Variants in COP1 observed in about 807,000 individuals in gnomAD.
The protein encoded by COP1 is COP1 E3 ubiquitin ligase.
COP1 carries 24 observed loss-of-function variants against 101.3 expected under a neutral mutation model. The ratio of observed to expected loss-of-function variants is 0.24; its 90% CI spans 0.17 to 0.33. The LOEUF is 0.33. Among genes scored for constraint, COP1 ranks in the 10% least tolerant of loss-of-function variants. The pLI, the probability that COP1 is intolerant of heterozygous loss-of-function variation, is 1.00. For missense variants in COP1, 663 were observed against 906.2 expected (o/e 0.73, Z 3.45); for synonymous variants, 347 against 341.9 (o/e 1.01, Z -0.17).
chr1:176,124,802 C>A (rs888747801), intron 8 of COP1, among the ~76,000 whole-genome samples: 1 of 152,068 alleles, frequency 6.6e-6, no homozygotes, highest in African/African-American at 2.4e-5. Flanking sequence ...GGGATTGCTG[C>A]GTAATATGCT....
intron 15 of COP1, among the ~76,000 whole-genome samples, chr1:175,998,917 A>C (rs1660928754): frequency 6.6e-6 from 1 of 152,092 alleles, no homozygotes; most frequent in African/African-American, 2.4e-5. Context: ...ATCAGATTAC[A>C]TGGCACACTC....
At chr1:175,973,969 G>A in intron 18 of COP1, among the ~76,000 whole-genome samples, 1 of 152,198 alleles carries the variant, frequency 6.6e-6, no homozygotes, top group Non-Finnish European at 1.5e-5. Context: ...AGTGTAAAAT[G>A]TGCTTATGCA....
intron 14 of COP1, among the ~76,000 whole-genome samples, chr1:176,041,220 T>G (rs1235262055): frequency 6.6e-6 from 1 of 152,172 alleles, no homozygotes; most frequent in Admixed American, 6.5e-5. Context: ...GGTTATAAGA[T>G]AGCAGCAATT....
chr1:176,030,656 A>G (rs1022977699), intron 14 of COP1, among the ~76,000 whole-genome samples: 1 of 152,226 alleles, frequency 6.6e-6, no homozygotes, highest in South Asian at 2.1e-4. Context: ...AATTCAATAT[A>G]ACTGTCTGAG....
Position 176,206,911 on chromosome 1 carries a change from G to C in COP1, c.68C>G (p.Ser23Trp). Reference sequence around the variant, plus strand: ...TAAAGACGAGGAGGCGGAAGTCACCGAGGAGGCCGCCGAGGACCCGGGGCT... The same window carrying C: ...TAAAGACGAGGAGGCGGAAGTCACCCAGGAGGCCGCCGAGGACCCGGGGCT... ...GTSPGSSAASSVTSASSSLSS... is the reference protein window; with the variant it reads ...GTSPGSSAASWVTSASSSLSS... The change falls in exon 1 of 20, where the codon TCG (serine) becomes TGG (tryptophan). Residue 23 changes from serine (S) to tryptophan (W), a missense_variant. By Grantham distance (177) the Ser-to-Trp change is radical (BLOSUM62 -3). Around this residue, in one of 4 missense-constraint regions of COP1, gnomAD observed 204 missense variants for 203.6 expected, o/e 1.00. Transcript: ENST00000367669. The C allele has an allele frequency of 6.8e-7, 1 of 1,465,582 alleles. No individual in the cohort carries two copies. Among genetic ancestry groups the C allele is most frequent in the Non-Finnish European group, 9.0e-7 (1 of 1,114,254 alleles). The allele number at this position is 1,465,582 out of a possible 1,614,324, so 90.8% of individuals were successfully genotyped here.
At chr1:176,116,452 A>G (rs1217292294) in intron 9 of COP1, among the ~76,000 whole-genome samples, 172 bp downstream of exon 9, 2 of 152,234 alleles carry the variant, frequency 1.3e-5, no homozygotes, top group Non-Finnish European at 2.9e-5. Context: ...AAAAGCAAAT[A>G]TTAATATTTG....
At chr1:175,967,314 G>C (rs4344283) in intron 18 of COP1, among the ~76,000 whole-genome samples, 143,059 of 152,252 alleles carry the variant, frequency 0.94, 67,654 homozygotes, top group East Asian at 1. Flanking sequence ...GCCGTTGAAA[G>C]CTCATCTCTA....
intron 5 of COP1, among the ~76,000 whole-genome samples, chr1:176,162,422 T>G (rs1011527372): frequency 6.6e-6 from 1 of 152,214 alleles, no homozygotes; most frequent in Non-Finnish European, 1.5e-5. Context: ...ACAGATCTCT[T>G]TAAATGCTCT....
At chr1:176,136,446 T>A (rs1230920191) in intron 7 of COP1, 42 bp downstream of exon 7, 2 of 1,379,438 alleles carry the variant, frequency 1.4e-6, no homozygotes, top group Non-Finnish European at 2.0e-6. Flanking sequence ...TTTCATGAAA[T>A]TGAAAAATTG....
chr1:176,050,696 A>C (rs1301007338), intron 11 of COP1, among the ~76,000 whole-genome samples: 2 of 152,228 alleles, frequency 1.3e-5, no homozygotes, highest in African/African-American at 4.8e-5. Flanking sequence ...CTTCCAATCA[A>C]TACTACTTGA....
At chr1:176,133,263 C>T (rs1263255882) in intron 8 of COP1, among the ~76,000 whole-genome samples, 1 of 150,132 alleles carries the variant, frequency 6.7e-6, no homozygotes, top group Non-Finnish European at 1.5e-5. Flanking sequence ...TACGTATATA[C>T]GTACGTATAT....
At chr1:176,116,799 A>G (rs747136010) in intron 8 of COP1, 118 bp from the exon 9 acceptor site, 1 of 711,142 alleles carries the variant, frequency 1.4e-6, no homozygotes, top group Non-Finnish European at 2.4e-6. Context: ...AAGCCAAGAA[A>G]ATATTTATTG....
intron 15 of COP1, among the ~76,000 whole-genome samples, chr1:175,993,237 C>A (rs923406517): frequency 4.6e-5 from 7 of 152,200 alleles, no homozygotes; most frequent in Non-Finnish European, 8.8e-5. Context: ...ACCAAAAACC[C>A]ATCTGTATAT....
At chr1:176,033,476 C>T (rs1265110033) in intron 14 of COP1, among the ~76,000 whole-genome samples, 1 of 151,966 alleles carries the variant, frequency 6.6e-6, no homozygotes, top group Non-Finnish European at 1.5e-5. Flanking sequence ...GAAGAAGAAC[C>T]TGTAACTTCT....
chr1:176,059,215 T>C (rs1674413355), intron 11 of COP1, among the ~76,000 whole-genome samples: 1 of 152,252 alleles, frequency 6.6e-6, no homozygotes, highest in African/African-American at 2.4e-5. Context: ...ATGTAATTCA[T>C]CTATCAAGTG....
rs941393364 is a variant in COP1 at position 176,056,932 on chromosome 1, T to A, written c.1278-10608A>T. Among the ~76,000 whole-genome samples the A allele has an allele frequency of 6.6e-5, 10 of 152,332 alleles. No individual in the cohort carries two copies. The South Asian group carries it at 1.9e-3, about 28-fold the overall frequency. On this transcript the variant is annotated intron_variant, in intron 11 of 19. Transcript: ENST00000367669. ...CTAAGTTTCTACTCTGAGCAAAGGA[T>A]AAAGTTATTTTTGCCCTTACTCTTC...
chr1:176,134,976 G>A, intron 8 of COP1, 34 bp downstream of exon 8: 3 of 1,498,980 alleles, frequency 2.0e-6, no homozygotes, highest in Non-Finnish European at 2.8e-6. Context: ...TTTGTAATAT[G>A]AATTCTAATC....
In COP1 at chr1:176,043,736, T is replaced by C. The variant is rs779557909; in HGVS notation, c.1504A>G (p.Thr502Ala). Residue 502 changes from threonine (T) to alanine (A), a missense_variant, in exon 13 of 20, where the codon ACA becomes GCA. Physicochemically the swap from Thr to Ala is moderately conservative, Grantham distance 58. Coordinates refer to ENST00000367669, the MANE Select transcript of COP1 (RefSeq NM_022457.7). ...TGATAGACCTTTGACCTCTGTCCTG[T>C]GAATCCATCCCATAAAATAACAGTG... is the stretch of plus-strand genomic sequence containing the variant. ...EGTVILWDGF[T>A]GQRSKVYQEH... 6.2e-7 allele frequency: 1 copy of C among 1,607,334 alleles called. No individual in the cohort carries two copies. Among genetic ancestry groups the C allele is most frequent in the South Asian group, 1.1e-5 (1 of 90,942 alleles).
chr1:176,207,260 TGGCCGGCCGTGCGCGCGCGCGCGAGC>T lies in COP1; in HGVS notation c.-308_-283del. 2.6e-6 allele frequency: 1 copy of T among 388,852 alleles called. No individual in the cohort carries two copies. The allele number at this position is 388,852 out of a possible 1,614,324, so 24.1% of individuals were successfully genotyped here. A position where few individuals can be genotyped will look rare whatever the true frequency, so the allele number is the denominator to read the frequency against. ...TGTAGCAGCCAACCCCGGCGCGCCG[TGGCCGGCCGTGCGCGCGCGCGCGAGC>T]GGCGGAAGAGGCGGGCGTGGCGGGG... On this transcript the variant is annotated 5_prime_UTR_variant, in exon 1 of 20. Coordinates refer to ENST00000367669, the MANE Select transcript of COP1 (RefSeq NM_022457.7).
Sources: gnomAD v4.1 joint callset for allele counts (sites outside exome capture counted in the v4.1 genomes callset) on GRCh38, gnomAD v4.1.1 for gene constraint, gnomAD v4.1.1 regional missense constraint, MANE v1.5 for transcripts, NCBI Gene and HGNC (gene_info 2026-07-23, HGNC 2026-07-21) for gene names.